The following PTK2B variants were observed in gnomAD, a reference collection of about 807,000 sequenced individuals.
PTK2B encodes protein-tyrosine kinase 2-beta.
In PTK2B, 71 loss-of-function variants were observed where a neutral mutation model predicts 142.9. That is an observed-to-expected ratio of 0.50 (90% confidence interval 0.41 to 0.61). The LOEUF (loss-of-function observed/expected upper bound fraction) is 0.61, where lower values mean the gene tolerates loss of function less well. PTK2B is among the 20% of genes least tolerant of loss of function. PTK2B has a pLI of 0.00. For synonymous variants in PTK2B, 519 were observed against 503.4 expected (o/e 1.03, Z -0.42); for missense variants, 1,105 against 1,320.4 (o/e 0.84, Z 2.53).
chr8:27,353,460 A>G (rs1429535788), intron 1 of PTK2B, among the ~76,000 whole-genome samples: 1 of 152,188 alleles, frequency 6.6e-6, no homozygotes, highest in Non-Finnish European at 1.5e-5. Flanking sequence ...TGGGATAGGA[A>G]AGGCCCAGCT....
intron 22 of PTK2B, 27 bp from the exon 23 acceptor site, chr8:27,444,179 A>G: frequency 6.3e-7 from 1 of 1,594,940 alleles, no homozygotes; most frequent in Non-Finnish European, 8.6e-7. Context: ...AGGGACAGAG[A>G]CTGACCCATC....
intron 1 of PTK2B, among the ~76,000 whole-genome samples, chr8:27,385,218 G>A (rs548413603): frequency 5.9e-5 from 9 of 152,302 alleles, no homozygotes; most frequent in East Asian, 1.9e-4. Flanking sequence ...GTTGGGCTAC[G>A]GAAGCACTCT....
intron 1 of PTK2B, among the ~76,000 whole-genome samples, chr8:27,344,492 A>C (rs1263168454): frequency 1.3e-5 from 2 of 152,240 alleles, no homozygotes; most frequent in Non-Finnish European, 2.9e-5. Context: ...GAGATCATAC[A>C]CATACGTATA....
chr8:27,427,892 C>A (rs1227662142), intron 5 of PTK2B, among the ~76,000 whole-genome samples: 1 of 152,130 alleles, frequency 6.6e-6, no homozygotes, highest in African/African-American at 2.4e-5. Context: ...TCGTGGAAGA[C>A]AATTTTTCCA....
chr8:27,347,805 C>G (rs990456528), intron 1 of PTK2B, among the ~76,000 whole-genome samples: 3 of 152,230 alleles, frequency 2.0e-5, no homozygotes, highest in Non-Finnish European at 4.4e-5. Flanking sequence ...TCTAGCCAAG[C>G]TGACTTTACC....
upstream of PTK2B, chr8:27,322,800 T>A (rs1365135028): frequency 7.1e-6 from 1 of 140,442 alleles, no homozygotes; most frequent in African/African-American, 3.3e-5. Flanking sequence ...ATCAGTCCTC[T>A]TTCAACCCAC....
At chr8:27,359,308 G>C (rs927867599) in intron 1 of PTK2B, among the ~76,000 whole-genome samples, 1 of 152,108 alleles carries the variant, frequency 6.6e-6, no homozygotes, top group African/African-American at 2.4e-5. Context: ...TAGAGAAGGG[G>C]TTTCACCATA....
At chr8:27,444,306 C>G in intron 23 of PTK2B, 35 bp downstream of exon 23, 3 of 1,582,512 alleles carry the variant, frequency 1.9e-6, no homozygotes. Flanking sequence ...AACTTCAGGT[C>G]TACCTCTCAT....
intron 2 of PTK2B, among the ~76,000 whole-genome samples, chr8:27,405,402 A>AGGTG (rs1381195876): frequency 6.6e-6 from 1 of 152,116 alleles, no homozygotes; most frequent in Non-Finnish European, 1.5e-5. Context: ...AGGGAGGAGG[A>AGGTG]GGTTACTTGT....
intron 1 of PTK2B, among the ~76,000 whole-genome samples, chr8:27,371,926 C>T (rs1043434742): frequency 6.6e-6 from 1 of 152,194 alleles, no homozygotes; most frequent in East Asian, 1.9e-4. Context: ...TGCCAGGCAC[C>T]GATCCAGGCA....
At chr8:27,361,821 T>A (rs1805724843) in intron 1 of PTK2B, among the ~76,000 whole-genome samples, 1 of 152,068 alleles carries the variant, frequency 6.6e-6, no homozygotes. Flanking sequence ...GGCTGTGAAG[T>A]CTATCCGCCC....
chr8:27,438,068 T>A, intron 18 of PTK2B, 188 bp downstream of exon 18: 1 of 581,410 alleles, frequency 1.7e-6, no homozygotes, highest in East Asian at 2.9e-5. Flanking sequence ...TTGCAGGCAC[T>A]GTATGTACCT....
intron 22 of PTK2B, 104 bp from the exon 23 acceptor site, chr8:27,444,102 C>A (rs1440967813): frequency 1.6e-6 from 2 of 1,228,610 alleles, no homozygotes; most frequent in East Asian, 2.4e-5. Flanking sequence ...ACTTTCCTTC[C>A]TTTGGAACAA....
intron 2 of PTK2B, among the ~76,000 whole-genome samples, chr8:27,400,754 T>G (rs955071958): frequency 6.6e-6 from 1 of 152,188 alleles, no homozygotes; most frequent in South Asian, 2.1e-4. Flanking sequence ...CAGCTTTACA[T>G]GTGTTGTGTT....
intron 1 of PTK2B, among the ~76,000 whole-genome samples, chr8:27,391,903 C>G (rs1238275147): frequency 6.6e-6 from 1 of 152,124 alleles, no homozygotes; most frequent in Admixed American, 6.5e-5. Context: ...AAACCGAAGC[C>G]CAGGATGGCT....
chr8:27,341,796 C>G (rs957875303), intron 1 of PTK2B, among the ~76,000 whole-genome samples: 1 of 152,132 alleles, frequency 6.6e-6, no homozygotes, highest in African/African-American at 2.4e-5. Context: ...ACCTCAGCCT[C>G]CCTAGTAGCT....
chr8:27,437,409 C>G lies in PTK2B; in HGVS notation c.1440C>G (p.Asn480Lys). ...KFMSEAVIMK[N>K]LDHPHIVKLI... ...ACCACACTGCAGTGATCATGAAGAACCTCGACCACCCGCACATCGTGAAGC... is the reference window on the plus strand; with the variant it reads ...ACCACACTGCAGTGATCATGAAGAAGCTCGACCACCCGCACATCGTGAAGC... The change falls in exon 17 of 31, where the codon AAC becomes AAG. Residue 480 changes from asparagine to lysine, a missense_variant. Asn to Lys is a moderately conservative substitution (Grantham distance 94). Transcript: ENST00000346049. 1 of 1,612,196 alleles carries G rather than the reference C, an allele frequency of 6.2e-7. No homozygotes were observed. The highest frequency in any genetic ancestry group is 2.2e-5 in the East Asian group (1 of 44,856).
At chr8:27,432,202 C>T (rs1810475288) in intron 9 of PTK2B, 58 bp from the exon 10 acceptor site, 7 of 1,532,196 alleles carry the variant, frequency 4.6e-6, no homozygotes, top group Admixed American at 1.8e-5. Flanking sequence ...ACTGACCAAT[C>T]TGCATGGCCT....
chr8:27,357,502 C>T (rs2130686971), intron 1 of PTK2B, among the ~76,000 whole-genome samples: 1 of 152,348 alleles, frequency 6.6e-6, no homozygotes, highest in East Asian at 1.9e-4. Context: ...CAGGGGGCCA[C>T]CCCGTGCCTG....
Sources: allele counts gnomAD v4.1 joint callset (sites outside exome capture counted in the v4.1 genomes callset), GRCh38; gene constraint gnomAD v4.1.1; transcripts MANE v1.5; gene names NCBI Gene and HGNC (gene_info 2026-07-23, HGNC 2026-07-21).